The following GALNTL6 variants were observed in gnomAD, a reference collection of about 807,000 sequenced individuals.
GALNTL6 encodes the protein polypeptide N-acetylgalactosaminyltransferase like 6, also known as polypeptide N-acetylgalactosaminyltransferase-like 6.
A neutral mutation model predicts 73.7 loss-of-function variants in GALNTL6; 46 were observed. That is an observed-to-expected ratio of 0.62 (90% CI 0.49 to 0.80). GALNTL6 has a LOEUF of 0.80. Ranked by LOEUF, GALNTL6 falls within the 30% of genes least tolerant of loss-of-function variation. The pLI, the probability that GALNTL6 is intolerant of heterozygous loss-of-function variation, is 0.00. For synonymous variants in GALNTL6, 259 were observed against 263.7 expected (o/e 0.98, Z 0.17); for missense variants, 604 against 755.0 (o/e 0.80, Z 2.34).
rs545467893 is a variant in GALNTL6, at chr4:171,951,907, C to T, written c.138+137189C>T. Among the ~76,000 whole-genome samples, 69 of 151,990 alleles carry T rather than the reference C, an allele frequency of 4.5e-4. 2 individuals carry two copies. In the South Asian group the frequency reaches 7.9e-3, roughly 17 times the overall value. ...CCTGAACTCTTACAGAAATAAGTAG[C>T]ACATTATTGAGCAATGTATCCCAGA... On this transcript the variant is annotated intron_variant, in intron 2 of 12. Transcript: ENST00000506823.
intron 10 of GALNTL6, among the ~76,000 whole-genome samples, chr4:172,993,936 CA>C (rs1027831493): frequency 1.3e-5 from 2 of 151,886 alleles, no homozygotes; most frequent in Admixed American, 1.3e-4. Context: ...AACAAACAAA[CA>C]AAAAAAATAT....
At chr4:172,498,418 A>G (rs1734145857) in intron 5 of GALNTL6, among the ~76,000 whole-genome samples, 1 of 152,186 alleles carries the variant, frequency 6.6e-6, no homozygotes, top group East Asian at 1.9e-4. Flanking sequence ...ACTAAAATAA[A>G]TGTGTACTCT....
At position 172,745,446 on chromosome 4, in the gene GALNTL6, T is replaced by TATATACACAC. The variant is rs34523518; in HGVS notation, c.554-63914_554-63913insTATACACACA. On this transcript the variant is annotated intron_variant, in intron 5 of 12. Transcript: ENST00000506823. ...TTTTCAAAACATATATATATATATG[T>TATATACACAC]ACACATAACTTTTATAATTAGAAAA... 5.4e-4 allele frequency among the ~76,000 whole-genome samples: 79 copies of TATATACACAC among 145,310 alleles called. 4 individuals are homozygous for TATATACACAC. Among genetic ancestry groups the TATATACACAC allele is most frequent in the African/African-American group, 1.7e-3 (66 of 38,094 alleles).
chr4:172,892,241 C>T (rs1746071501), intron 8 of GALNTL6, among the ~76,000 whole-genome samples: 1 of 152,190 alleles, frequency 6.6e-6, no homozygotes, highest in Admixed American at 6.5e-5. Context: ...TGCCTGAGCC[C>T]TTCTCATATG....
chr4:172,251,689 AG>A (rs1160177755), intron 3 of GALNTL6, among the ~76,000 whole-genome samples: 3 of 152,204 alleles, frequency 2.0e-5, no homozygotes, highest in Non-Finnish European at 4.4e-5. Flanking sequence ...AAGAAAGAAC[AG>A]GTGAACCTGG....
intron 2 of GALNTL6, among the ~76,000 whole-genome samples, chr4:172,188,068 TTGAGA>T (rs1383139963): frequency 6.6e-6 from 1 of 152,202 alleles, no homozygotes; most frequent in Non-Finnish European, 1.5e-5. Flanking sequence ...TACATAATCA[TTGAGA>T]TAAGTAGTGA....
intron 2 of GALNTL6, among the ~76,000 whole-genome samples, chr4:171,943,922 A>ACTT (rs6148785): frequency 6.6e-6 from 1 of 151,430 alleles, no homozygotes; most frequent in Admixed American, 6.6e-5. Context: ...AATTTTCTTA[A>ACTT]GTTAAGTGAA....
chr4:173,010,412 A>G (rs530830570), intron 11 of GALNTL6, among the ~76,000 whole-genome samples: 9 of 152,214 alleles, frequency 5.9e-5, no homozygotes, highest in East Asian at 1.9e-4. Context: ...TCATTCATCT[A>G]TTGATGGACA....
chr4:172,340,935 G>T (rs941277310), intron 4 of GALNTL6, among the ~76,000 whole-genome samples: 1 of 152,148 alleles, frequency 6.6e-6, no homozygotes, highest in South Asian at 2.1e-4. Context: ...TGAGTTCTGT[G>T]TACAGCTCAT....
intron 7 of GALNTL6, among the ~76,000 whole-genome samples, chr4:172,868,469 G>T (rs1707257391): frequency 6.6e-6 from 1 of 152,218 alleles, no homozygotes; most frequent in South Asian, 2.1e-4. Flanking sequence ...AATGTTAATT[G>T]TCTGCCTTTT....
At chr4:171,998,275 G>A (rs972320574) in intron 2 of GALNTL6, among the ~76,000 whole-genome samples, 1 of 152,112 alleles carries the variant, frequency 6.6e-6, no homozygotes, top group Non-Finnish European at 1.5e-5. Context: ...AAGAAAGAGA[G>A]ATCTATTTTA....
chr4:172,467,044 C>T (rs1266373718), intron 5 of GALNTL6, among the ~76,000 whole-genome samples: 2 of 152,168 alleles, frequency 1.3e-5, no homozygotes, highest in East Asian at 3.9e-4. Context: ...TACTCTAAGT[C>T]ACTAACATGC....
intron 2 of GALNTL6, among the ~76,000 whole-genome samples, chr4:172,055,960 T>TA (rs1731008778): frequency 6.6e-6 from 1 of 152,140 alleles, no homozygotes. Flanking sequence ...GATGATGAAA[T>TA]ATATAGCAGC....
At chr4:172,804,843 A>C (rs1740860206) in intron 5 of GALNTL6, among the ~76,000 whole-genome samples, 1 of 152,206 alleles carries the variant, frequency 6.6e-6, no homozygotes. Context: ...GATCAGATGG[A>C]TCCCATAGTG....
Position 173,015,981 on chromosome 4 carries a change from G to A in GALNTL6, c.1489-5495G>A, listed in dbSNP as rs147084708. 1.1e-3 allele frequency among the ~76,000 whole-genome samples: 168 copies of A among 152,320 alleles called. 1 individual carries two copies. The highest frequency in any genetic ancestry group is 1.6e-3 in the Non-Finnish European group (112 of 68,032). On this transcript the variant is annotated intron_variant, in intron 11 of 12. Coordinates refer to ENST00000506823, the MANE Select transcript of GALNTL6 (RefSeq NM_001034845.3). ...ACGGTGCCGTGTCCCAGCTGCTTCA[G>A]CTCCAGCATGGCTAAAAGGTGCCAA... is the stretch of plus-strand genomic sequence containing the variant.
At chr4:172,318,748 A>G (rs1740656492) in intron 4 of GALNTL6, among the ~76,000 whole-genome samples, 3 of 151,008 alleles carry the variant, frequency 2.0e-5, no homozygotes, top group Non-Finnish European at 4.4e-5. Context: ...CAACAAAAAA[A>G]GAAAGGCTGA....
chr4:172,094,108 T>G (rs1016938587), intron 2 of GALNTL6, among the ~76,000 whole-genome samples: 2 of 152,206 alleles, frequency 1.3e-5, no homozygotes, highest in Non-Finnish European at 2.9e-5. Context: ...TAATTTCTAG[T>G]AAAACTGAGG....
chr4:172,582,747 G>GACACACAC lies in GALNTL6; in HGVS notation c.554-226589_554-226582dup, dbSNP rs35246163. On this transcript the variant is annotated intron_variant, in intron 5 of 12. Coordinates refer to ENST00000506823, the MANE Select transcript of GALNTL6 (RefSeq NM_001034845.3). Reference sequence around the variant, plus strand: ...CTCATTGGGAAATCACACACACACAGACACACACACACACACACACACACA... The same window carrying GACACACAC: ...CTCATTGGGAAATCACACACACACAGACACACACACACACACACACACACACACACACA... Among the ~76,000 whole-genome samples, 15 of 142,840 alleles carry GACACACAC rather than the reference G, an allele frequency of 1.1e-4. No homozygotes were observed. In the South Asian group the frequency reaches 3.0e-3, roughly 28 times the overall value. The allele number at this position is 142,840 out of a possible 152,430, so 93.7% of individuals were successfully genotyped here. A position where few individuals can be genotyped will look rare whatever the true frequency, so the allele number is the denominator to read the frequency against.
intron 2 of GALNTL6, among the ~76,000 whole-genome samples, chr4:172,021,302 T>C (rs1054720288): frequency 6.6e-6 from 1 of 151,948 alleles, no homozygotes; most frequent in African/African-American, 2.4e-5. Context: ...AAAAGAGGAA[T>C]AATAAAGGAC....
Sources: allele counts gnomAD v4.1 joint callset (sites outside exome capture counted in the v4.1 genomes callset), GRCh38; gene constraint gnomAD v4.1.1; transcripts MANE v1.5; gene names NCBI Gene and HGNC (gene_info 2026-07-23, HGNC 2026-07-21).